The following MAGI2 variants were observed in gnomAD, a reference collection of about 807,000 sequenced individuals.
MAGI2 encodes the protein membrane-associated guanylate kinase, WW and PDZ domain-containing protein 2.
In MAGI2, 35 loss-of-function variants were observed where a neutral mutation model predicts 133.3. The observed-to-expected ratio is 0.26, with a 90% CI of 0.20 to 0.35. The LOEUF is 0.35. MAGI2 is among the 10% of genes least tolerant of loss of function. The probability of loss-of-function intolerance (pLI) is 1.00; values close to 1 mark genes in which losing one functional copy is unlikely to be tolerated. For synonymous variants in MAGI2, 729 were observed against 710.6 expected (o/e 1.03, Z -0.41); for missense variants, 1,636 against 1,863.4 (o/e 0.88, Z 2.25).
At chr7:79,222,719 G>A (rs1195856337) in intron 1 of MAGI2, among the ~76,000 whole-genome samples, 1 of 151,738 alleles carries the variant, frequency 6.6e-6, no homozygotes, top group Non-Finnish European at 1.5e-5. Flanking sequence ...TATTCCAAAT[G>A]TACCTTTACT....
chr7:79,201,893 A>T (rs942924519), intron 1 of MAGI2, among the ~76,000 whole-genome samples: 2 of 152,040 alleles, frequency 1.3e-5, no homozygotes, highest in African/African-American at 2.4e-5. Context: ...TGCTTTTATT[A>T]TCTAAGACTC....
intron 2 of MAGI2, among the ~76,000 whole-genome samples, chr7:78,938,385 TA>T (rs1268385761): frequency 2.0e-5 from 3 of 151,364 alleles, no homozygotes; most frequent in Non-Finnish European, 2.9e-5. Flanking sequence ...TTGCGTATAG[TA>T]AAAAAAAATT....
chr7:78,375,461 G>A (rs1371159327), intron 6 of MAGI2, among the ~76,000 whole-genome samples: 4 of 152,076 alleles, frequency 2.6e-5, no homozygotes, highest in Non-Finnish European at 5.9e-5. Context: ...TCCTTTTACA[G>A]AAAGGCAGCC....
intron 1 of MAGI2, among the ~76,000 whole-genome samples, chr7:79,313,944 A>AGAGTAGTTG (rs1838500615): frequency 6.6e-6 from 1 of 151,906 alleles, no homozygotes; most frequent in South Asian, 2.1e-4. Context: ...CTGAGACTAC[A>AGAGTAGTTG]GGAACACACC....
chr7:79,332,461 A>G (rs908308960), intron 1 of MAGI2, among the ~76,000 whole-genome samples: 5 of 152,128 alleles, frequency 3.3e-5, no homozygotes, highest in African/African-American at 1.2e-4. Context: ...GTTTTGTGGC[A>G]CTTGATTTCC....
intron 2 of MAGI2, among the ~76,000 whole-genome samples, chr7:78,923,493 CAGATAGTTGT>C (rs1352083653): frequency 6.6e-6 from 1 of 152,160 alleles, no homozygotes; most frequent in East Asian, 1.9e-4. Flanking sequence ...TGTCAAAGAT[CAGATAGTTGT>C]AGATAAGCGG....
At chr7:79,418,689 TAA>T (rs2129177511) in intron 1 of MAGI2, among the ~76,000 whole-genome samples, 1 of 152,120 alleles carries the variant, frequency 6.6e-6, no homozygotes, top group South Asian at 2.1e-4. Flanking sequence ...GAACCCCATT[TAA>T]CTTTATGCTT....
chr7:78,297,874 C>T (rs798346), intron 9 of MAGI2, among the ~76,000 whole-genome samples: 95,065 of 136,240 alleles, frequency 0.7, 33,884 homozygotes, highest in African/African-American at 0.81. Flanking sequence ...TTGGGAGATA[C>T]ACCTAATGCT....
intron 9 of MAGI2, among the ~76,000 whole-genome samples, chr7:78,313,293 C>A (rs1194675864): frequency 6.6e-6 from 1 of 151,968 alleles, no homozygotes; most frequent in Non-Finnish European, 1.5e-5. Flanking sequence ...GATTTCACCA[C>A]TGCAATATAT....
chr7:79,171,955 T>C (rs889361423), intron 1 of MAGI2, among the ~76,000 whole-genome samples: 11 of 151,312 alleles, frequency 7.3e-5, no homozygotes, highest in Non-Finnish European at 1.6e-4. Flanking sequence ...CCTTATACTT[T>C]GGTGTATGCC....
At chr7:78,948,489 T>C (rs111687586) in intron 2 of MAGI2, among the ~76,000 whole-genome samples, 2,505 of 152,218 alleles carry the variant, frequency 0.016, 28 homozygotes, top group Middle Eastern at 0.041. Context: ...ACTGGAACTG[T>C]CACTGCTGGC....
chr7:78,138,625 T>TCACACATACACACACA lies in MAGI2; in HGVS notation c.2846-3420_2846-3419insTGTGTGTGTATGTGTG, dbSNP rs1491145483. Among the ~76,000 whole-genome samples the TCACACATACACACACA allele has an allele frequency of 8.2e-4, 106 of 129,482 alleles. 1 individual carries two copies. The highest frequency in any genetic ancestry group is 5.3e-3 in the East Asian group (23 of 4,370). 84.9% of individuals were successfully genotyped at this position (129,482 alleles called of 152,430 possible). A position where few individuals can be genotyped will look rare whatever the true frequency, so the allele number is the denominator to read the frequency against. On this transcript the variant is annotated intron_variant, in intron 16 of 21. Coordinates refer to ENST00000354212, the MANE Select transcript of MAGI2 (RefSeq NM_012301.4). ...ATCCCAAATGTTTCAAAACATAGAT[T>TCACACATACACACACA]CACACACACACACACACACACACAC...
At chr7:78,481,213 T>C (rs532799284) in intron 6 of MAGI2, among the ~76,000 whole-genome samples, 1 of 152,118 alleles carries the variant, frequency 6.6e-6, no homozygotes, top group South Asian at 2.1e-4. Context: ...AAAAGCAGTT[T>C]AATTGACTCA....
chr7:78,106,979 AT>A (rs1246813712), intron 20 of MAGI2, among the ~76,000 whole-genome samples: 2 of 152,100 alleles, frequency 1.3e-5, no homozygotes, highest in African/African-American at 2.4e-5. Flanking sequence ...TAGTAGTTTC[AT>A]AGTTTCAGGC....
chr7:79,236,796 C>T (rs10280569), intron 1 of MAGI2, among the ~76,000 whole-genome samples: 52 of 152,180 alleles, frequency 3.4e-4, no homozygotes, highest in African/African-American at 1.2e-3. Flanking sequence ...TAAACAATGA[C>T]AGTTTTATTA....
At chr7:78,753,180 G>A (rs1432843395) in intron 2 of MAGI2, among the ~76,000 whole-genome samples, 1 of 152,112 alleles carries the variant, frequency 6.6e-6, no homozygotes, top group Admixed American at 6.6e-5. Flanking sequence ...GATGGAATTA[G>A]TTAACAGTTA....
chr7:78,351,706 A>C (rs1422405157), intron 7 of MAGI2: 1 of 152,110 alleles, frequency 6.6e-6, no homozygotes, highest in Non-Finnish European at 1.5e-5. Flanking sequence ...GCAGGCAAAC[A>C]CAGACATTGC....
chr7:78,766,415 G>A (rs1371602850), intron 2 of MAGI2, among the ~76,000 whole-genome samples: 2 of 152,110 alleles, frequency 1.3e-5, no homozygotes, highest in Non-Finnish European at 2.9e-5. Context: ...TGGCAAAAAG[G>A]TGAATAAGTT....
chr7:79,239,336 C>T (rs1349117537), intron 1 of MAGI2, among the ~76,000 whole-genome samples: 1 of 152,058 alleles, frequency 6.6e-6, no homozygotes, highest in Non-Finnish European at 1.5e-5. Flanking sequence ...TAAGACTCGA[C>T]CTCATAGTTC....
Sources: gnomAD v4.1 joint callset for allele counts (sites outside exome capture counted in the v4.1 genomes callset) on GRCh38, gnomAD v4.1.1 for gene constraint, MANE v1.5 for transcripts, NCBI Gene and HGNC (gene_info 2026-07-23, HGNC 2026-07-21) for gene names.